The following EBF4 variants were observed in gnomAD, a reference collection of about 807,000 sequenced individuals.
The protein encoded by EBF4 is transcription factor COE4.
Under a neutral mutation model 67.1 loss-of-function variants are expected in EBF4, and 34 were observed. The observed-to-expected ratio is 0.51, with a 90% CI of 0.39 to 0.67. The LOEUF is 0.67. Ranked by LOEUF, EBF4 falls within the 30% of genes least tolerant of loss-of-function variation. The pLI, the probability that EBF4 is intolerant of heterozygous loss-of-function variation, is 0.00. For missense variants in EBF4, 837 were observed against 873.3 expected, an observed-to-expected ratio of 0.96 and a Z score of 0.52; for synonymous variants, 387 against 377.7, an observed-to-expected ratio of 1.02 and a Z score of -0.29.
chr20:2,737,964 CAA>C (rs5839970), intron 6 of EBF4, among the ~76,000 whole-genome samples: 71 of 131,688 alleles, frequency 5.4e-4, no homozygotes, highest in African/African-American at 7.6e-4. Context: ...GACTCCATTT[CAA>C]AAAAAAAAAA....
In EBF4 at chr20:2,749,719, A is replaced by G. The variant is rs1166695857; in HGVS notation, c.857A>G (p.Gln286Arg). The G allele has an allele frequency of 1.9e-6, 3 of 1,552,346 alleles. No individual in the cohort carries two copies. Among genetic ancestry groups the G allele is most frequent in the East Asian group, 4.9e-5 (2 of 40,990 alleles). Reference sequence around the variant, plus strand: ...GGCGACAACTTCTTCGACGGGTTGCAGGTCGTGTTCGGAAACGTGCTCGTG... The same window carrying G: ...GGCGACAACTTCTTCGACGGGTTGCGGGTCGTGTTCGGAAACGTGCTCGTG... Residue 286 changes from glutamine to arginine, a missense_variant, in exon 9 of 17, where the codon CAG becomes CGG. Gln to Arg is a conservative substitution (Grantham distance 43, BLOSUM62 1). Transcript: ENST00000609451.
At chr20:2,703,456 G>A (rs1057502322) in intron 1 of EBF4, among the ~76,000 whole-genome samples, 1 of 151,756 alleles carries the variant, frequency 6.6e-6, no homozygotes. Flanking sequence ...ATTCCAGGTT[G>A]GGCATGGTGG....
intron 16 of EBF4, 115 bp downstream of exon 16, chr20:2,759,099 G>A: frequency 1.1e-5 from 11 of 998,794 alleles, no homozygotes; most frequent in East Asian, 2.7e-5. Flanking sequence ...CCACAGGGAT[G>A]GGGAGCTGGG....
intron 1 of EBF4, among the ~76,000 whole-genome samples, chr20:2,699,423 T>C (rs6132951): frequency 0.19 from 28,253 of 152,116 alleles, 3,137 homozygotes; most frequent in East Asian, 0.36. Flanking sequence ...TCTCCTTTAA[T>C]TTTCGGTCTA....
At chr20:2,700,050 G>A (rs755862600) in intron 1 of EBF4, among the ~76,000 whole-genome samples, 1 of 152,210 alleles carries the variant, frequency 6.6e-6, no homozygotes, top group Non-Finnish European at 1.5e-5. Flanking sequence ...AACAGCCGTA[G>A]AAGCCCTCCA....
At chr20:2,742,755 C>T (rs2087986672) in intron 6 of EBF4, among the ~76,000 whole-genome samples, 1 of 152,130 alleles carries the variant, frequency 6.6e-6, no homozygotes, top group Non-Finnish European at 1.5e-5. Flanking sequence ...CCTTTTCAGC[C>T]CCATAGGGCC....
chr20:2,747,387 G>C lies in EBF4; in HGVS notation c.558-1162G>C, dbSNP rs1443276128. The stretch of plus-strand genomic sequence containing the variant: ...TTGTCCATGGCTACCTTACTGGTAG[G>C]TGACAGGACCAAGGACCCACCCTCC... On this transcript the variant is annotated intron_variant, in intron 6 of 16. Coordinates refer to ENST00000609451, the Ensembl canonical transcript of EBF4. The surrounding 1 kb of genome is among the most constrained non-coding windows in gnomAD (Gnocchi z 4.6). 6.6e-6 allele frequency among the ~76,000 whole-genome samples: 1 copy of C among 151,948 alleles called. No homozygotes were observed. Among genetic ancestry groups the C allele is most frequent in the Admixed American group, 6.6e-5 (1 of 15,260 alleles).
intron 6 of EBF4, among the ~76,000 whole-genome samples, chr20:2,725,612 T>C (rs1308471319): frequency 6.6e-6 from 1 of 152,204 alleles, no homozygotes; most frequent in East Asian, 1.9e-4. Context: ...CTTTTTGTTA[T>C]TGATGTGGTG....
At chr20:2,725,306 A>G (rs2087733664) in intron 6 of EBF4, among the ~76,000 whole-genome samples, 1 of 152,048 alleles carries the variant, frequency 6.6e-6, no homozygotes, top group African/African-American at 2.4e-5. Flanking sequence ...CTTTCAAGTC[A>G]TTAATTATTT....
At chr20:2,759,890 A>G (rs563472386), downstream of EBF4, 13 of 152,476 alleles carry the variant, frequency 8.5e-5, no homozygotes, top group East Asian at 2.5e-3. Context: ...GAGGCAGAAG[A>G]GGGGGTGCCA....
intron 1 of EBF4, among the ~76,000 whole-genome samples, chr20:2,698,709 T>C (rs2087332250): frequency 6.6e-6 from 1 of 152,140 alleles, no homozygotes; most frequent in African/African-American, 2.4e-5. Context: ...CCTGGGGTGA[T>C]GGGTGTCAAC....
In EBF4 at chr20:2,759,075, C is replaced by T. The variant is rs1471570323; in HGVS notation, c.*5+91C>T. On this transcript the variant is annotated intron_variant, in intron 16 of 16. Transcript: ENST00000609451. Reference sequence around the variant, plus strand: ...AGGCCTTCATCCTGTGCTCAAGCCTCCCCGCTAGCAGCCCCACAGGGATGG... The same window carrying T: ...AGGCCTTCATCCTGTGCTCAAGCCTTCCCGCTAGCAGCCCCACAGGGATGG... 4.9e-6 allele frequency: 6 copies of T among 1,235,858 alleles called. No individual in the cohort carries two copies. The African/African-American group carries it at 6.0e-5, about 12-fold the overall frequency. The allele number at this position is 1,235,858 out of a possible 1,614,324, so 76.6% of individuals were successfully genotyped here.
intron 6 of EBF4, among the ~76,000 whole-genome samples, chr20:2,742,555 G>A (rs1849135661): frequency 6.6e-6 from 1 of 152,140 alleles, no homozygotes; most frequent in African/African-American, 2.4e-5. Flanking sequence ...GTGGGGTCTG[G>A]ATTAGGAAGC....
Position 2,751,924 on chromosome 20 carries a change from AGTGCT to A in EBF4, c.1112_1116del (p.Val371AlafsTer18). 6.5e-7 allele frequency: 1 copy of A among 1,548,390 alleles called. No homozygotes were observed. The highest frequency in any genetic ancestry group is 8.7e-7 in the Non-Finnish European group (1 of 1,146,044). Reference sequence around the variant, plus strand: ...GCTGTCTCTCCCCCTGTCCCCAGGAAGTGCTGCTGAAGCGGGCGGCCGACTTGGCA... The same window carrying A: ...GCTGTCTCTCCCCCTGTCCCCAGGAAGCTGAAGCGGGCGGCCGACTTGGCA... On this transcript the variant is annotated frameshift_variant, in exon 12 of 17. Transcript: ENST00000609451. LOFTEE classifies it high-confidence loss of function. This position sits in a 1 kb window ranked among gnomAD's most constrained non-coding sequence, Gnocchi z 5.2.
At chr20:2,749,693 C>T (rs1600242069) in exon 9 of EBF4, 2 of 1,563,952 alleles carry the variant, frequency 1.3e-6, no homozygotes, top group Non-Finnish European at 1.7e-6. Context: ...TCATTGTCAT[C>T]GGCGACAACT....
At chr20:2,722,649 C>A (rs1386618021) in intron 6 of EBF4, among the ~76,000 whole-genome samples, 1 of 152,240 alleles carries the variant, frequency 6.6e-6, no homozygotes, top group Non-Finnish European at 1.5e-5. Flanking sequence ...TGAAAACACT[C>A]AGAGCATTAT....
chr20:2,719,786 T>G (rs1380733912), intron 6 of EBF4, among the ~76,000 whole-genome samples: 1 of 152,244 alleles, frequency 6.6e-6, no homozygotes, highest in Non-Finnish European at 1.5e-5. Flanking sequence ...TTGAATTTAT[T>G]GAAACTTGCT....
rs1391075805 is a variant in EBF4 at position 2,747,296 on chromosome 20, C to T, written c.558-1253C>T. 1.1e-5 allele frequency among the ~76,000 whole-genome samples: 1 copy of T among 89,326 alleles called. No homozygotes were observed. The highest frequency in any genetic ancestry group is 2.4e-5 in the Non-Finnish European group (1 of 42,360). The allele number at this position is 89,326 out of a possible 152,430, so 58.6% of individuals were successfully genotyped here. ...TGGGCAACAGAGCAAGACTCTGTCT[C>T]AAAACAAAAAACAAAACAAACAAAA... On this transcript the variant is annotated intron_variant, in intron 6 of 16. Coordinates refer to ENST00000609451, the Ensembl canonical transcript of EBF4. This position sits in a 1 kb window ranked among gnomAD's most constrained non-coding sequence, Gnocchi z 4.6.
chr20:2,701,027 A>G, intron 1 of EBF4, among the ~76,000 whole-genome samples: 1 of 152,246 alleles, frequency 6.6e-6, no homozygotes, highest in South Asian at 2.1e-4. Context: ...TGTGCGCTGC[A>G]GGGCTCTTGC....
Sources: allele counts gnomAD v4.1 joint callset (sites outside exome capture counted in the v4.1 genomes callset), GRCh38; gene constraint gnomAD v4.1.1; non-coding constraint Gnocchi (gnomAD v3.1); transcripts MANE v1.5; gene names NCBI Gene and HGNC (gene_info 2026-07-23, HGNC 2026-07-21).